Variants in ZCCHC18 observed in about 807,000 individuals in gnomAD.
ZCCHC18 encodes the protein zinc finger CCHC-type containing 18, also known as zinc finger CCHC domain-containing protein 18.
For missense variants in ZCCHC18, 292 were observed against 305.1 expected, an observed-to-expected ratio of 0.96 and a Z score of 0.32; for synonymous variants, 112 against 115.7, an observed-to-expected ratio of 0.97 and a Z score of 0.21.
At position 104,113,772 on chromosome X, in the gene ZCCHC18, G is replaced by C. The variant is rs1556360079; in HGVS notation, c.-340G>C. ...CAGTTGTCGCCCCTCCTGGAGTACA[G>C]GCAGGAGGGGATGGATGTGGCTCTG... On this transcript the variant is annotated 5_prime_UTR_variant, in exon 3 of 3. Transcript: ENST00000650639. The C allele has an allele frequency of 1.8e-5, 4 of 223,651 alleles. No homozygotes were observed. The highest frequency in any genetic ancestry group is 1.2e-4 in the African/African-American group (4 of 34,591). 18.4% of individuals were successfully genotyped at this position (223,651 alleles called of 1,213,427 possible).
rs962753865 is a variant in ZCCHC18, at chrX:104,114,055, G to T, written c.-57G>T. The T allele has an allele frequency of 2.7e-5, 33 of 1,205,022 alleles. No individual in the cohort carries two copies. The highest frequency in any genetic ancestry group is 3.4e-5 in the Non-Finnish European group (30 of 892,861). Reference sequence around the variant, plus strand: ...TGCTTTGGAGAATCCTGCAGATAAGGCTTTTCCAAAAAGCGCGAGCATCTT... The same window carrying T: ...TGCTTTGGAGAATCCTGCAGATAAGTCTTTTCCAAAAAGCGCGAGCATCTT... On this transcript the variant is annotated 5_prime_UTR_variant, in exon 3 of 3. Transcript: ENST00000650639.
rs2075367646 is a variant in ZCCHC18, at chrX:104,114,658, G to C, written c.547G>C (p.Glu183Gln). 2.5e-6 allele frequency: 3 copies of C among 1,210,475 alleles called. No individual in the cohort carries two copies. The highest frequency in any genetic ancestry group is 3.5e-5 in the African/African-American group (2 of 57,211). ...TRLQQLLLGA[E>Q]LNRDLRFRLK... ...CTTGCAACAGCTTCTTTTAGGCGCTGAGCTGAATAGGGACCTGCGCTTCAG... is the reference window on the plus strand; with the variant it reads ...CTTGCAACAGCTTCTTTTAGGCGCTCAGCTGAATAGGGACCTGCGCTTCAG... Residue 183 changes from glutamate to glutamine, a missense_variant, in exon 3 of 3, where the codon GAG (glutamate) becomes CAG (glutamine). Transcript: ENST00000650639.
Position 104,114,158 on chromosome X carries a change from C to A in ZCCHC18, c.47C>A (p.Ala16Glu). 8.3e-7 allele frequency: 1 copy of A among 1,210,638 alleles called. No individual in the cohort carries two copies. Among genetic ancestry groups the A allele is most frequent in the Non-Finnish European group, 1.1e-6 (1 of 894,870 alleles). ...ACVGNSRQQN[A>E]PLPPWAHSML... Reference sequence around the variant, plus strand: ...GTGGGTAACAGCAGGCAGCAGAATGCACCTTTGCCGCCTTGGGCCCATTCC... The same window carrying A: ...GTGGGTAACAGCAGGCAGCAGAATGAACCTTTGCCGCCTTGGGCCCATTCC... The change falls in exon 3 of 3, where the codon GCA (alanine) becomes GAA (glutamate). Residue 16 changes from alanine (A) to glutamate (E), a missense_variant. By Grantham distance (107) the Ala-to-Glu change is moderately radical (BLOSUM62 -1). Coordinates refer to ENST00000650639, the MANE Select transcript of ZCCHC18 (RefSeq NM_001143978.3).
Position 104,114,160 on chromosome X carries a change from C to T in ZCCHC18, c.49C>T (p.Pro17Ser), listed in dbSNP as rs1556360234. 5.0e-6 allele frequency: 6 copies of T among 1,209,970 alleles called. No individual in the cohort carries two copies. Among genetic ancestry groups the T allele is most frequent in the Non-Finnish European group, 3.4e-6 (3 of 894,615 alleles). ...GGGTAACAGCAGGCAGCAGAATGCA[C>T]CTTTGCCGCCTTGGGCCCATTCCAT... ...CVGNSRQQNA[P>S]LPPWAHSMLR... is the part of the protein sequence containing the mutation. The change falls in exon 3 of 3, where the codon CCT becomes TCT. Residue 17 changes from proline to serine, a missense_variant. Transcript: ENST00000650639.
rs989829906 is a variant in ZCCHC18 at position 104,114,267 on chromosome X, G to A, written c.156G>A (p.Val52=). The A allele has an allele frequency of 1.7e-6, 2 of 1,210,168 alleles. No individual in the cohort carries two copies. The highest frequency in any genetic ancestry group is 3.5e-5 in the African/African-American group (2 of 57,661). Residue 52 remains valine (V), a synonymous_variant, in exon 3 of 3, where the codon GTG becomes GTA. Transcript: ENST00000650639. ...ACATGAAGTTGTTCTCAGGAAGAGT[G>A]GTGCCAGCCCAGGGGAAAGAAACCT... ...ERNMKLFSGR[V]VPAQGKETFE...
Position 104,115,247 on chromosome X carries a change from T to C in ZCCHC18, c.1136T>C (p.Leu379Pro). 8.3e-7 allele frequency: 1 copy of C among 1,200,763 alleles called. No homozygotes were observed. The change falls in exon 3 of 3, where the codon CTG becomes CCG. Residue 379 changes from leucine (L) to proline (P), a missense_variant. Coordinates refer to ENST00000650639, the MANE Select transcript of ZCCHC18 (RefSeq NM_001143978.3). ...GTTTTTGAGAATCTGATCATCACCC[T>C]GCAGGAGCTGACACATACAGAGGAG... ...AQVFENLIITLQELTHTEERS... is the reference protein window; with the variant it reads ...AQVFENLIITPQELTHTEERS...
rs1556359457 is a variant in ZCCHC18 at position 104,112,553 on chromosome X, A to C, written c.-1179A>C. 2 of 113,706 alleles carry C rather than the reference A, an allele frequency of 1.8e-5. No individual in the cohort carries two copies. Among genetic ancestry groups the C allele is most frequent in the Non-Finnish European group, 3.7e-5 (2 of 53,409 alleles). The allele number at this position is 113,706 out of a possible 1,213,427, so 9.4% of individuals were successfully genotyped here. On this transcript the variant is annotated 5_prime_UTR_variant, in exon 1 of 3. Transcript: ENST00000650639. ...TTTGTCTCAGTCGCCAGAGACTGAA[A>C]GCAACCGCGGCTGCCCGGAGGGCCG...
chrX:104,114,487 A>T lies in ZCCHC18; in HGVS notation c.376A>T (p.Ser126Cys). Residue 126 changes from serine (S) to cysteine (C), a missense_variant, in exon 3 of 3, where the codon AGC becomes TGC. Physicochemically the swap from Ser to Cys is moderately radical, Grantham distance 112. Transcript: ENST00000650639. The part of the protein sequence containing the change: ...AMKLVFGESE[S>C]SVTAHGKFFN... ...GAAATTGGTGTTTGGGGAGTCTGAA[A>T]GCAGTGTGACTGCCCATGGTAAATT... The T allele has an allele frequency of 8.3e-7, 1 of 1,211,897 alleles. No individual in the cohort carries two copies. The highest frequency in any genetic ancestry group is 1.1e-6 in the Non-Finnish European group (1 of 895,569).
In ZCCHC18 at chrX:104,114,203, G is replaced by C. The variant is rs1556360276; in HGVS notation, c.92G>C (p.Arg31Thr). ...CATTCCATGTTGAGGTCTCTGGGGA[G>C]GAGTCTCTGTCCTTTAGTGGTCAAA... is the stretch of plus-strand genomic sequence containing the variant. ...WAHSMLRSLGRSLCPLVVKMA... is the reference protein window; with the variant it reads ...WAHSMLRSLGTSLCPLVVKMA... Residue 31 changes from arginine (R) to threonine (T), a missense_variant, in exon 3 of 3, where the codon AGG becomes ACG. By Grantham distance (71) the Arg-to-Thr change is moderately conservative. Transcript: ENST00000650639. The C allele has an allele frequency of 8.3e-7, 1 of 1,206,527 alleles. No homozygotes were observed. The highest frequency in any genetic ancestry group is 1.1e-6 in the Non-Finnish European group (1 of 893,264).
In ZCCHC18 at chrX:104,113,868, A is replaced by C; in HGVS notation, c.-244A>C. The stretch of plus-strand genomic sequence containing the variant: ...TGTAATTGCCAGTCTCCTGCAGGGT[A>C]TTGTTAAGGCACTGGGCAGATATAA... On this transcript the variant is annotated 5_prime_UTR_variant, in exon 3 of 3. Coordinates refer to ENST00000650639, the MANE Select transcript of ZCCHC18 (RefSeq NM_001143978.3). 2.5e-6 allele frequency: 1 copy of C among 393,449 alleles called. No individual in the cohort carries two copies. Among genetic ancestry groups the C allele is most frequent in the Non-Finnish European group, 4.3e-6 (1 of 232,932 alleles). 32.4% of individuals were successfully genotyped at this position (393,449 alleles called of 1,213,427 possible). A position where few individuals can be genotyped will look rare whatever the true frequency, so the allele number is the denominator to read the frequency against.
chrX:104,113,968 A>G lies in ZCCHC18; in HGVS notation c.-144A>G. 1 of 1,000,311 alleles carries G rather than the reference A, an allele frequency of 1.0e-6. No homozygotes were observed. Among genetic ancestry groups the G allele is most frequent in the Non-Finnish European group, 1.3e-6 (1 of 750,519 alleles). The allele number at this position is 1,000,311 out of a possible 1,213,427, so 82.4% of individuals were successfully genotyped here. On this transcript the variant is annotated 5_prime_UTR_variant, in exon 3 of 3. An upstream open reading frame in the 5' UTR loses its in-frame stop. Coordinates refer to ENST00000650639, the MANE Select transcript of ZCCHC18 (RefSeq NM_001143978.3). ...CTTCCCCACAGCCCACTATCTTATT[A>G]ACCTTTTTTACTTTCCTTAGAATCC...
chrX:104,115,232 A>C lies in ZCCHC18; in HGVS notation c.1121A>C (p.Asn374Thr). ...AGCAACAAGGCCCAGGTTTTTGAGAATCTGATCATCACCCTGCAGGAGCTG... is the reference window on the plus strand; with the variant it reads ...AGCAACAAGGCCCAGGTTTTTGAGACTCTGATCATCACCCTGCAGGAGCTG... The part of the protein sequence containing the change: ...NESNKAQVFE[N>T]LIITLQELTH... The change falls in exon 3 of 3, where the codon AAT becomes ACT. Residue 374 changes from asparagine (N) to threonine (T), a missense_variant. Transcript: ENST00000650639. The C allele has an allele frequency of 8.3e-7, 1 of 1,205,358 alleles. No individual in the cohort carries two copies. The highest frequency in any genetic ancestry group is 3.0e-5 in the East Asian group (1 of 33,633).
chrX:104,115,558 T>C lies in ZCCHC18; in HGVS notation c.*235T>C, dbSNP rs782045121. On this transcript the variant is annotated 3_prime_UTR_variant, in exon 3 of 3. Transcript: ENST00000650639. ...ATTCTCCATGTGTCTATTTCTTTGA[T>C]GACTTTATACTTTTTATGAAAGGAG... The C allele has an allele frequency of 1.0e-4, 33 of 321,599 alleles. No individual in the cohort carries two copies. The highest frequency in any genetic ancestry group is 1.7e-4 in the Non-Finnish European group (31 of 178,983). The allele number at this position is 321,599 out of a possible 1,213,427, so 26.5% of individuals were successfully genotyped here.
rs1450090578 is a variant in ZCCHC18 at position 104,112,902 on chromosome X, G to A, written c.-830G>A. On this transcript the variant is annotated 5_prime_UTR_variant, in exon 1 of 3. Coordinates refer to ENST00000650639, the MANE Select transcript of ZCCHC18 (RefSeq NM_001143978.3). ...TTGGAGAATCAGTAACTGCGAGGCA[G>A]GGGATGGAGCACTCCCTTGGCCTGG... 2 of 111,858 alleles carry A rather than the reference G, an allele frequency of 1.8e-5. No individual in the cohort carries two copies. The highest frequency in any genetic ancestry group is 5.7e-4 in the East Asian group (2 of 3,535). The allele number at this position is 111,858 out of a possible 1,213,427, so 9.2% of individuals were successfully genotyped here.
Position 104,115,368 on chromosome X carries a change from C to G in ZCCHC18, c.*45C>G. 5 of 1,068,308 alleles carry G rather than the reference C, an allele frequency of 4.7e-6. No homozygotes were observed. The highest frequency in any genetic ancestry group is 6.2e-6 in the Non-Finnish European group (5 of 806,787). 88.0% of individuals were successfully genotyped at this position (1,068,308 alleles called of 1,213,427 possible). A position where few individuals can be genotyped will look rare whatever the true frequency, so the allele number is the denominator to read the frequency against. ...ATGAGTCCTTGACTGTATTCAGAGT[C>G]TGGTAATGGGAATAACAGGAGAGGG... On this transcript the variant is annotated 3_prime_UTR_variant, in exon 3 of 3. Transcript: ENST00000650639.
At position 104,114,474 on chromosome X, in the gene ZCCHC18, T is replaced by TG. The variant is rs1556360493; in HGVS notation, c.367dup (p.Glu123GlyfsTer3). 1 of 1,211,771 alleles carries TG rather than the reference T, an allele frequency of 8.3e-7. No homozygotes were observed. The highest frequency in any genetic ancestry group is 1.1e-6 in the Non-Finnish European group (1 of 895,565). ...TCTTGCGGGCAATGAAATTGGTGTT[T>TG]GGGGAGTCTGAAAGCAGTGTGACTG... is the stretch of plus-strand genomic sequence containing the variant. On this transcript the variant is annotated frameshift_variant, in exon 3 of 3. Transcript: ENST00000650639. LOFTEE classifies it low-confidence loss of function (END_TRUNC).
In ZCCHC18 at chrX:104,114,783, T is replaced by C; in HGVS notation, c.672T>C (p.Asp224=). 1 of 1,211,682 alleles carries C rather than the reference T, an allele frequency of 8.3e-7. No homozygotes were observed. The highest frequency in any genetic ancestry group is 1.1e-6 in the Non-Finnish European group (1 of 895,374). The part of the protein sequence containing the change: ...KMIREEEDWD[D]AFIKRKRPKR... ...TAAGGGAGGAAGAGGATTGGGATGA[T>C]GCTTTTATTAAACGGAAGCGGCCGA... Residue 224 remains aspartate (D), a synonymous_variant, in exon 3 of 3, where the codon GAT becomes GAC. Transcript: ENST00000650639.
In ZCCHC18 at chrX:104,115,495, C is replaced by T. The variant is rs1046836877; in HGVS notation, c.*172C>T. The T allele has an allele frequency of 8.0e-5, 36 of 451,034 alleles. No individual in the cohort carries two copies. The highest frequency in any genetic ancestry group is 1.2e-4 in the Non-Finnish European group (32 of 262,651). 37.2% of individuals were successfully genotyped at this position (451,034 alleles called of 1,213,427 possible). A position where few individuals can be genotyped will look rare whatever the true frequency, so the allele number is the denominator to read the frequency against. On this transcript the variant is annotated 3_prime_UTR_variant, in exon 3 of 3. Coordinates refer to ENST00000650639, the MANE Select transcript of ZCCHC18 (RefSeq NM_001143978.3). Reference sequence around the variant, plus strand: ...CACAGTGGATGGGGAATGGTGTGACCTCTGTCCCTGCTCTCTTCTCTGCTG... The same window carrying T: ...CACAGTGGATGGGGAATGGTGTGACTTCTGTCCCTGCTCTCTTCTCTGCTG...
chrX:104,113,151 A>C (rs1556359809), intron 1 of ZCCHC18, 44 bp from the exon 2 acceptor site: 1 of 110,954 alleles, frequency 9.0e-6, no homozygotes, highest in Non-Finnish European at 1.9e-5. Flanking sequence ...AAGGAATATG[A>C]GGGTGGGAGG....
Sources: gnomAD v4.1 joint callset for allele counts on GRCh38, gnomAD v4.1.1 for gene constraint, MANE v1.5 for transcripts, NCBI Gene and HGNC (gene_info 2026-07-23, HGNC 2026-07-21) for gene names.